Variants in CPA6 observed in about 807,000 individuals in gnomAD.
The protein encoded by CPA6 is carboxypeptidase B.
A neutral mutation model predicts 63.3 loss-of-function variants in CPA6; 58 were observed. The ratio of observed to expected loss-of-function variants is 0.92; its 90% CI spans 0.74 to 1.14. The LOEUF (loss-of-function observed/expected upper bound fraction) is 1.14, where lower values mean the gene tolerates loss of function less well. CPA6 is among the 50% of genes most tolerant of loss of function. CPA6 has a pLI of 0.00. For missense variants in CPA6, 565 were observed against 526.6 expected (o/e 1.07, Z -0.71); for synonymous variants, 185 against 179.0 (o/e 1.03, Z -0.27).
At chr8:67,682,074 T>G (rs73683165) in intron 1 of CPA6, among the ~76,000 whole-genome samples, 1,710 of 152,258 alleles carry the variant, frequency 0.011, 39 homozygotes, top group African/African-American at 0.037. Context: ...GATTTTCTCT[T>G]TATTTGTGGT....
At chr8:67,594,052 T>C (rs1814217642) in intron 2 of CPA6, among the ~76,000 whole-genome samples, 1 of 151,894 alleles carries the variant, frequency 6.6e-6, no homozygotes, top group Non-Finnish European at 1.5e-5. Flanking sequence ...TAGTGCTTCC[T>C]TCAGGAGCTC....
intron 1 of CPA6, among the ~76,000 whole-genome samples, chr8:67,703,934 TGTTG>T (rs1362358566): frequency 1.3e-5 from 2 of 151,462 alleles, no homozygotes; most frequent in African/African-American, 2.4e-5. Flanking sequence ...GCTTTTTTTT[TGTTG>T]TTGTTGTTGT....
At chr8:67,437,745 T>C (rs1185602598) in intron 8 of CPA6, among the ~76,000 whole-genome samples, 2 of 151,956 alleles carry the variant, frequency 1.3e-5, no homozygotes, top group African/African-American at 4.8e-5. Context: ...GTTTGAAACA[T>C]TCCTAGAAGG....
At chr8:67,690,602 A>G (rs912257763) in intron 1 of CPA6, among the ~76,000 whole-genome samples, 1 of 152,208 alleles carries the variant, frequency 6.6e-6, no homozygotes, top group African/African-American at 2.4e-5. Flanking sequence ...TTAAACTCTG[A>G]AAAGCAATAT....
intron 2 of CPA6, among the ~76,000 whole-genome samples, chr8:67,553,786 C>G (rs1292277610): frequency 1.3e-5 from 2 of 152,142 alleles, no homozygotes; most frequent in Non-Finnish European, 2.9e-5. Context: ...AAATAAACAA[C>G]ATGAATGACT....
chr8:67,644,312 G>A (rs1021650953), intron 1 of CPA6, among the ~76,000 whole-genome samples: 1 of 152,082 alleles, frequency 6.6e-6, no homozygotes, highest in South Asian at 2.1e-4. Context: ...TAGAGACGGC[G>A]TTTCACCATG....
chr8:67,589,459 T>C (rs893499007), intron 2 of CPA6, among the ~76,000 whole-genome samples: 2 of 152,156 alleles, frequency 1.3e-5, no homozygotes, highest in Non-Finnish European at 1.5e-5. Context: ...GGAAATCAGA[T>C]CTTATGAACC....
intron 1 of CPA6, among the ~76,000 whole-genome samples, chr8:67,711,635 CGTGTGGTATGT>C (rs1817262133): frequency 6.7e-6 from 1 of 148,986 alleles, no homozygotes; most frequent in Non-Finnish European, 1.5e-5. Flanking sequence ...TATATGTATG[CGTGTGGTATGT>C]GTGTGGTATA....
intron 1 of CPA6, among the ~76,000 whole-genome samples, chr8:67,633,680 C>CA (rs35134242): frequency 0.52 from 58,486 of 111,860 alleles, 13,943 homozygotes; most frequent in African/African-American, 0.59. Context: ...GACTCCGTCT[C>CA]AAAAAAAAAA....
chr8:67,511,550 G>C lies in CPA6; in HGVS notation c.423C>G (p.Ser141=). 6.4e-7 allele frequency: 1 copy of C among 1,572,110 alleles called. No individual in the cohort carries two copies. The highest frequency in any genetic ancestry group is 8.8e-7 in the Non-Finnish European group (1 of 1,142,110). The change falls in exon 4 of 11, where the codon TCC becomes TCG. Residue 141 remains serine (S), a synonymous_variant. Transcript: ENST00000297770. ...TCTTTTGATTACATACTTCTTCTAA[G>C]GAGTGATAAACTTCATAATTATATC... ...LSGYNYEVYH[S]LEEIQNWMHH... is the part of the protein sequence containing the mutation.
At chr8:67,566,735 C>T (rs1813346130) in intron 2 of CPA6, among the ~76,000 whole-genome samples, 1 of 152,190 alleles carries the variant, frequency 6.6e-6, no homozygotes, top group Admixed American at 6.5e-5. Flanking sequence ...GCCAGTTCAC[C>T]CTCTCCATCC....
Position 67,693,632 on chromosome 8 carries a change from A to G in CPA6, c.116+52382T>C, listed in dbSNP as rs531616423. Reference sequence around the variant, plus strand: ...TGCCCTAATGAAAGAGGCCCTGGAGAGCTCCCTCACTTCTGCCATGTGAGG... The same window carrying G: ...TGCCCTAATGAAAGAGGCCCTGGAGGGCTCCCTCACTTCTGCCATGTGAGG... On this transcript the variant is annotated intron_variant, in intron 1 of 10. Transcript: ENST00000297770. Among the ~76,000 whole-genome samples, 6 of 152,290 alleles carry G rather than the reference A, an allele frequency of 3.9e-5. No homozygotes were observed. In the South Asian group the frequency reaches 1.2e-3, roughly 32 times the overall value.
Position 67,662,404 on chromosome 8 carries a change from CACACACGTATATGTATATATAGAATACAT to C in CPA6, c.117-38182_117-38154del, listed in dbSNP as rs1563382253. Reference sequence around the variant, plus strand: ...AATGAGAAATGAGACTACATATATACACACACGTATATGTATATATAGAATACATACACACGTATATGTATATATAGAAT... The same window carrying C: ...AATGAGAAATGAGACTACATATATACACACACGTATATGTATATATAGAAT... On this transcript the variant is annotated intron_variant, in intron 1 of 10. Transcript: ENST00000297770. 1.0e-4 allele frequency among the ~76,000 whole-genome samples: 15 copies of C among 148,776 alleles called. 1 individual carries two copies. Among genetic ancestry groups the C allele is most frequent in the East Asian group, 2.0e-4 (1 of 5,102 alleles).
intron 1 of CPA6, among the ~76,000 whole-genome samples, chr8:67,702,089 A>G (rs1265523882): frequency 2.0e-5 from 3 of 152,158 alleles, no homozygotes; most frequent in Non-Finnish European, 1.5e-5. Flanking sequence ...CAGTCTCCCA[A>G]TAGACAGAAA....
intron 2 of CPA6, among the ~76,000 whole-genome samples, chr8:67,554,757 A>G (rs1023984459): frequency 6.6e-6 from 1 of 152,182 alleles, no homozygotes; most frequent in East Asian, 1.9e-4. Flanking sequence ...GAGTTATTCC[A>G]TCCCAAGGTA....
intron 2 of CPA6, among the ~76,000 whole-genome samples, chr8:67,623,621 A>G (rs1018633724): frequency 6.6e-6 from 1 of 152,026 alleles, no homozygotes; most frequent in Non-Finnish European, 1.5e-5. Context: ...TTTTGCAGAG[A>G]TGGGGTTTTA....
At chr8:67,606,590 C>T (rs78306011) in intron 2 of CPA6, among the ~76,000 whole-genome samples, 2,696 of 152,316 alleles carry the variant, frequency 0.018, 31 homozygotes, top group African/African-American at 0.036. Flanking sequence ...ACAATAACAT[C>T]TCCCTTTTGG....
intron 2 of CPA6, among the ~76,000 whole-genome samples, chr8:67,573,891 C>CAAAAAAAAAAAAAA (rs34145304): frequency 6.0e-5 from 2 of 33,486 alleles, no homozygotes; most frequent in African/African-American, 2.3e-4. Context: ...GACTCCGTCT[C>CAAAAAAAAAAAAAA]AAAAAAAAAA....
At chr8:67,578,631 C>T (rs1031413510) in intron 2 of CPA6, among the ~76,000 whole-genome samples, 1 of 152,066 alleles carries the variant, frequency 6.6e-6, no homozygotes, top group African/African-American at 2.4e-5. Flanking sequence ...GTCCCTGTTA[C>T]TATAATGAGT....
Sources: gnomAD v4.1 joint callset for allele counts (sites outside exome capture counted in the v4.1 genomes callset) on GRCh38, gnomAD v4.1.1 for gene constraint, MANE v1.5 for transcripts, NCBI Gene and HGNC (gene_info 2026-07-23, HGNC 2026-07-21) for gene names.